SMARCA2: variants seen among roughly 807,000 people sequenced by gnomAD.
SMARCA2 encodes SWI/SNF related BAF chromatin remodeling complex subunit ATPase 2, also known as SWI/SNF-related matrix-associated actin-dependent regulator of chromatin subfamily A member 2.
Under a neutral mutation model 199.8 loss-of-function variants are expected in SMARCA2, and 61 were observed. That is an observed-to-expected ratio of 0.31 (90% confidence interval 0.25 to 0.38). The LOEUF is 0.38. Ranked by LOEUF, SMARCA2 falls within the 10% of genes least tolerant of loss-of-function variation. SMARCA2 has a pLI of 1.00. For synonymous variants in SMARCA2, 935 were observed against 732.0 expected (o/e 1.28, Z -4.48); for missense variants, 1,344 against 2,012.2 (o/e 0.67, Z 6.35).
At position 2,191,084 on chromosome 9, in the gene SMARCA2, C is replaced by G. The variant is rs114818921; in HGVS notation, c.4595-182C>G. The stretch of plus-strand genomic sequence containing the variant: ...ACATCATTTATCTTCCAAAAGAAGA[C>G]AGGTTGGCAAGTGAAAGGGGTCGCT... On this transcript the variant is annotated intron_variant, in intron 32 of 33. Transcript: ENST00000349721. Among the ~76,000 whole-genome samples the G allele has an allele frequency of 8.3e-3, 1,257 of 152,234 alleles. 12 individuals carry two copies. The highest frequency in any genetic ancestry group is 0.028 in the African/African-American group (1,146 of 41,532).
intron 27 of SMARCA2, among the ~76,000 whole-genome samples, chr9:2,141,584 G>C (rs190037672): frequency 5.9e-5 from 9 of 152,280 alleles, no homozygotes; most frequent in Admixed American, 5.2e-4. Flanking sequence ...GTAGTTACTA[G>C]TTAAAATAAA....
intron 27 of SMARCA2, among the ~76,000 whole-genome samples, chr9:2,138,576 GTTC>G (rs1300719565): frequency 6.6e-6 from 1 of 152,132 alleles, no homozygotes; most frequent in Non-Finnish European, 1.5e-5. Flanking sequence ...CCCATAGTCC[GTTC>G]TTCTCTTCCA....
intron 4 of SMARCA2, chr9:2,041,136 A>G (rs1819587189): frequency 1.0e-5 from 4 of 385,078 alleles, no homozygotes; most frequent in Non-Finnish European, 1.8e-5. Flanking sequence ...GTATTTTTTC[A>G]TTAATATTCT....
chr9:2,169,000 G>C (rs748790971), intron 28 of SMARCA2, among the ~76,000 whole-genome samples: 5 of 152,152 alleles, frequency 3.3e-5, no homozygotes, highest in Non-Finnish European at 7.3e-5. Context: ...TGCACATTCG[G>C]AGATGACATG....
At chr9:2,028,715 T>C (rs191521657) in intron 1 of SMARCA2, among the ~76,000 whole-genome samples, 5 of 152,344 alleles carry the variant, frequency 3.3e-5, no homozygotes, top group Non-Finnish European at 7.3e-5. Flanking sequence ...TGTGTTAAAT[T>C]TGAGTTTCTC....
At chr9:2,142,617 A>G (rs1824519209) in intron 27 of SMARCA2, among the ~76,000 whole-genome samples, 2 of 152,224 alleles carry the variant, frequency 1.3e-5, no homozygotes, top group South Asian at 4.1e-4. Flanking sequence ...TGTAGAGTTG[A>G]ACGTCTTCAA....
chr9:2,061,660 G>T (rs769614483), intron 9 of SMARCA2, among the ~76,000 whole-genome samples: 19 of 152,188 alleles, frequency 1.2e-4, no homozygotes, highest in Non-Finnish European at 2.1e-4. Flanking sequence ...AAGTCATCCA[G>T]TCGTCTAGTT....
chr9:2,181,362 G>C (rs1369214902), intron 29 of SMARCA2: 1 of 444,444 alleles, frequency 2.3e-6, no homozygotes, highest in African/African-American at 2.1e-5. Flanking sequence ...CAGAAGTGGG[G>C]ACCAAATTGT....
chr9:2,023,316 T>C (rs10738558), intron 1 of SMARCA2, among the ~76,000 whole-genome samples: 131,436 of 152,210 alleles, frequency 0.86, 57,218 homozygotes, highest in African/African-American at 0.97. Flanking sequence ...AAAGTGAGGG[T>C]AGCAGCTCAC....
intron 28 of SMARCA2, chr9:2,162,891 C>G (rs979212306): frequency 3.9e-5 from 6 of 152,130 alleles, no homozygotes; most frequent in African/African-American, 1.4e-4. Context: ...GAGGAGGAAT[C>G]AGATATTAAG....
At chr9:2,068,683 C>G (rs766491248) in intron 9 of SMARCA2, among the ~76,000 whole-genome samples, 24 of 151,360 alleles carry the variant, frequency 1.6e-4, no homozygotes, top group Non-Finnish European at 3.5e-4. Flanking sequence ...GGGAGGAAAG[C>G]TCATTTTCTC....
intron 29 of SMARCA2, among the ~76,000 whole-genome samples, chr9:2,176,840 G>T (rs1302160839): frequency 6.6e-6 from 1 of 152,074 alleles, no homozygotes; most frequent in African/African-American, 2.4e-5. Context: ...TTGCAGGTGT[G>T]AGCCACTGTG....
chr9:2,156,029 C>T (rs189892496), intron 27 of SMARCA2, among the ~76,000 whole-genome samples: 126 of 152,236 alleles, frequency 8.3e-4, no homozygotes, highest in African/African-American at 2.4e-3. Context: ...CAGACCAACT[C>T]ATCTCTTGAA....
At position 2,122,501 on chromosome 9, in the gene SMARCA2, G is replaced by A. The variant is rs183512002; in HGVS notation, c.3763-1218G>A. 2.0e-3 allele frequency among the ~76,000 whole-genome samples: 301 copies of A among 152,194 alleles called. 4 individuals carry two copies. The Middle Eastern group carries it at 0.034, about 17-fold the overall frequency. ...GATTAAGCATCGTGAGCTAATTATA[G>A]CACATGACAGAGCAAGGTGGCCACA... On this transcript the variant is annotated intron_variant, in intron 26 of 33. Transcript: ENST00000349721.
At chr9:2,184,541 G>GTT (rs1827293247) in intron 31 of SMARCA2, among the ~76,000 whole-genome samples, 1 of 151,644 alleles carries the variant, frequency 6.6e-6, no homozygotes, top group Non-Finnish European at 1.5e-5. Context: ...TTTTAGTAGA[G>GTT]ATGGGGTTTC....
At chr9:2,171,347 A>G (rs546984546) in intron 29 of SMARCA2, among the ~76,000 whole-genome samples, 17 of 152,316 alleles carry the variant, frequency 1.1e-4, no homozygotes, top group Admixed American at 7.2e-4. Context: ...ATAGGATCCA[A>G]TCTAGGACTG....
chr9:2,080,483 AATGTTTCTTGT>A (rs1821519203), intron 14 of SMARCA2, among the ~76,000 whole-genome samples: 1 of 152,096 alleles, frequency 6.6e-6, no homozygotes, highest in East Asian at 1.9e-4. Context: ...GAGTATCCAA[AATGTTTCTTGT>A]ATTTAGTTGA....
chr9:2,094,044 G>C (rs965893633), intron 19 of SMARCA2, among the ~76,000 whole-genome samples: 2 of 152,180 alleles, frequency 1.3e-5, no homozygotes, highest in African/African-American at 4.8e-5. Context: ...CTGATAGTGT[G>C]ATTGGGAAAG....
chr9:2,149,187 C>T (rs1205227181), intron 27 of SMARCA2, among the ~76,000 whole-genome samples: 1 of 151,156 alleles, frequency 6.6e-6, no homozygotes, highest in Non-Finnish European at 1.5e-5. Context: ...GCACTTCTTA[C>T]ATGGTGGCGG....
Sources: allele counts gnomAD v4.1 joint callset (sites outside exome capture counted in the v4.1 genomes callset), GRCh38; gene constraint gnomAD v4.1.1; transcripts MANE v1.5; gene names NCBI Gene and HGNC (gene_info 2026-07-23, HGNC 2026-07-21).